Variants in MMS22L observed in about 807,000 individuals in gnomAD.
MMS22L encodes the protein protein MMS22-like.
Under a neutral mutation model 159.1 loss-of-function variants are expected in MMS22L, and 74 were observed. That is an observed-to-expected ratio of 0.47 (90% confidence interval 0.39 to 0.56). The LOEUF (loss-of-function observed/expected upper bound fraction) is 0.56, where lower values mean the gene tolerates loss of function less well. Ranked by LOEUF, MMS22L falls within the 20% of genes least tolerant of loss-of-function variation. The pLI is 0.00. For synonymous variants in MMS22L, 517 were observed against 506.9 expected (o/e 1.02, Z -0.27); for missense variants, 1,351 against 1,422.1 (o/e 0.95, Z 0.80).
At chr6:97,179,094 T>A (rs1238154199) in intron 17 of MMS22L, among the ~76,000 whole-genome samples, 5 of 152,152 alleles carry the variant, frequency 3.3e-5, no homozygotes, top group Non-Finnish European at 7.4e-5. Flanking sequence ...AGAGTTCTAC[T>A]TTTTTCGTGA....
chr6:97,232,984 G>A (rs1811025699), intron 12 of MMS22L, among the ~76,000 whole-genome samples: 1 of 150,342 alleles, frequency 6.7e-6, no homozygotes, highest in Non-Finnish European at 1.5e-5. Context: ...TCCTATTTCA[G>A]TTCTCAGCCA....
At chr6:97,251,435 A>T (rs1813224183) in intron 10 of MMS22L, among the ~76,000 whole-genome samples, 2 of 152,204 alleles carry the variant, frequency 1.3e-5, no homozygotes. Context: ...CCCCTAATGA[A>T]AACTATTATT....
rs67620002 is a variant in MMS22L at position 97,189,551 on chromosome 6, C to CA, written c.2040-2862dup. On this transcript the variant is annotated intron_variant, in intron 14 of 24. Coordinates refer to ENST00000683635, the MANE Select transcript of MMS22L (RefSeq NM_001350599.2). ...CTGGGCAACAGCGAGACTCTGTCTC[C>CA]AAAAAAAAAAAAAAAAAAAAAAAAA... Among the ~76,000 whole-genome samples, 523 of 55,218 alleles carry CA rather than the reference C, an allele frequency of 9.5e-3. 37 individuals are homozygous for CA. The highest frequency in any genetic ancestry group is 0.013 in the Non-Finnish European group (417 of 32,960). 36.2% of individuals were successfully genotyped at this position (55,218 alleles called of 152,430 possible).
intron 22 of MMS22L, among the ~76,000 whole-genome samples, chr6:97,157,326 A>T (rs1437767174): frequency 6.6e-6 from 1 of 152,150 alleles, no homozygotes; most frequent in Non-Finnish European, 1.5e-5. Context: ...CTCTTGCCTG[A>T]CTGTCCTGGC....
chr6:97,246,283 G>A lies in MMS22L; in HGVS notation c.1182+345C>T, dbSNP rs1437602049. The A allele has an allele frequency of 4.5e-5, 17 of 375,226 alleles. No homozygotes were observed. In the East Asian group the frequency reaches 1.3e-3, roughly 28 times the overall value. 23.2% of individuals were successfully genotyped at this position (375,226 alleles called of 1,614,324 possible). A position where few individuals can be genotyped will look rare whatever the true frequency, so the allele number is the denominator to read the frequency against. ...GCAAGTCACCTTCCTGCTGTGATGA[G>A]GATATAGCTGAATTTTCAATGCCAA... is the stretch of plus-strand genomic sequence containing the variant. On this transcript the variant is annotated intron_variant, in intron 11 of 24. Transcript: ENST00000683635.
intron 2 of MMS22L, 63 bp downstream of exon 2, chr6:97,282,251 C>G: frequency 1.3e-6 from 2 of 1,541,368 alleles, no homozygotes; most frequent in Non-Finnish European, 1.8e-6. Context: ...GCTGAAATAA[C>G]TAACATTCCT....
chr6:97,207,967 A>T (rs536667620), intron 14 of MMS22L, among the ~76,000 whole-genome samples: 1 of 152,180 alleles, frequency 6.6e-6, no homozygotes, highest in African/African-American at 2.4e-5. Flanking sequence ...GGACCACAGG[A>T]ACAGTGAAAC....
At chr6:97,237,673 T>C (rs187607664) in intron 11 of MMS22L, among the ~76,000 whole-genome samples, 1 of 152,336 alleles carries the variant, frequency 6.6e-6, no homozygotes, top group African/African-American at 2.4e-5. Context: ...TGGGTTCTGA[T>C]GCTTCTTCCC....
At chr6:97,157,303 G>A (rs190479546) in intron 22 of MMS22L, among the ~76,000 whole-genome samples, 3 of 152,070 alleles carry the variant, frequency 2.0e-5, no homozygotes, top group East Asian at 1.9e-4. Flanking sequence ...AACTGAATAC[G>A]CTTTATGGCT....
In MMS22L at chr6:97,173,132, T is replaced by G. The variant is rs1201809011; in HGVS notation, c.2770A>C (p.Lys924Gln). The G allele has an allele frequency of 6.2e-7, 1 of 1,613,636 alleles. No homozygotes were observed. ...TTTCCCAAATAAGGCTTAATATATT[T>G]TAATACTTCACCAAGGTATTCCAAG... Reference protein sequence around the residue: ...KSLEYLGEVLKYIKPYLGKKV... With the variant: ...KSLEYLGEVLQYIKPYLGKKV... Residue 924 changes from lysine to glutamine, a missense_variant, in exon 19 of 25, where the codon AAA (lysine) becomes CAA (glutamine). Lys to Gln is a moderately conservative substitution (Grantham distance 53, BLOSUM62 1). Coordinates refer to ENST00000683635, the MANE Select transcript of MMS22L (RefSeq NM_001350599.2).
At chr6:97,201,786 A>C (rs1034502502) in intron 14 of MMS22L, among the ~76,000 whole-genome samples, 3 of 152,196 alleles carry the variant, frequency 2.0e-5, no homozygotes, top group African/African-American at 7.2e-5. Context: ...AATTCACTAA[A>C]AATTTATTAC....
intron 7 of MMS22L, among the ~76,000 whole-genome samples, chr6:97,268,247 C>T (rs1052875953): frequency 6.7e-6 from 1 of 149,786 alleles, no homozygotes; most frequent in Non-Finnish European, 1.5e-5. Flanking sequence ...TGCAGTGACG[C>T]GATCTCAGAT....
chr6:97,202,677 C>G (rs1807305961), intron 14 of MMS22L, among the ~76,000 whole-genome samples: 1 of 152,090 alleles, frequency 6.6e-6, no homozygotes, highest in Non-Finnish European at 1.5e-5. Context: ...AATTATAACC[C>G]AGGTGTATCT....
At chr6:97,241,908 T>C (rs907050099) in intron 11 of MMS22L, among the ~76,000 whole-genome samples, 1 of 152,240 alleles carries the variant, frequency 6.6e-6, no homozygotes, top group Non-Finnish European at 1.5e-5. Context: ...CGTATTTGTA[T>C]AGTTTTCAAG....
At chr6:97,150,123 C>T (rs1007698883) in intron 23 of MMS22L, 103 bp from the exon 24 acceptor site, 1 of 822,686 alleles carries the variant, frequency 1.2e-6, no homozygotes, top group African/African-American at 1.8e-5. Context: ...AAGATCATTT[C>T]ATAAAAGTTT....
At chr6:97,282,670 T>C in intron 1 of MMS22L, 117 bp from the exon 2 acceptor site, 3 of 461,002 alleles carry the variant, frequency 6.5e-6, no homozygotes, top group South Asian at 3.0e-5. Flanking sequence ...AATTCCCAAT[T>C]CCCCCTCGCC....
chr6:97,282,256 A>G, intron 2 of MMS22L, 58 bp downstream of exon 2: 7 of 1,557,832 alleles, frequency 4.5e-6, no homozygotes, highest in Non-Finnish European at 6.1e-6. Flanking sequence ...AATAACTAAC[A>G]TTCCTAAAAA....
At chr6:97,228,739 C>A (rs1810521224) in intron 14 of MMS22L, among the ~76,000 whole-genome samples, 155 bp downstream of exon 14, 1 of 152,188 alleles carries the variant, frequency 6.6e-6, no homozygotes, top group Non-Finnish European at 1.5e-5. Context: ...TCAACCTGTA[C>A]TGATTTATGC....
intron 22 of MMS22L, among the ~76,000 whole-genome samples, chr6:97,154,958 T>A (rs931763401): frequency 6.6e-6 from 1 of 152,210 alleles, no homozygotes; most frequent in African/African-American, 2.4e-5. Context: ...TAATTCCATA[T>A]AAATTAGTAA....
Sources: allele counts gnomAD v4.1 joint callset (sites outside exome capture counted in the v4.1 genomes callset), GRCh38; gene constraint gnomAD v4.1.1; transcripts MANE v1.5; gene names NCBI Gene and HGNC (gene_info 2026-07-23, HGNC 2026-07-21).